NRXN1: variants seen among roughly 807,000 people sequenced by gnomAD.
NRXN1 encodes neurexin-1.
In NRXN1, 39 loss-of-function variants were observed where a neutral mutation model predicts 150.9. The observed-to-expected ratio is 0.26, with a 90% CI of 0.20 to 0.34. NRXN1 has a LOEUF of 0.34. NRXN1 is among the 10% of genes least tolerant of loss of function. NRXN1 has a pLI of 1.00. For missense variants in NRXN1, 1,815 were observed against 1,949.9 expected (o/e 0.93, Z 1.30); for synonymous variants, 924 against 757.0 (o/e 1.22, Z -3.62).
chr2:50,973,732 T>C (rs1444190324), intron 2 of NRXN1, among the ~76,000 whole-genome samples: 1 of 152,178 alleles, frequency 6.6e-6, no homozygotes, highest in Admixed American at 6.6e-5. Flanking sequence ...TATTCATTCC[T>C]AGTAGGTAGA....
At chr2:50,853,446 G>A (rs1674804549) in intron 5 of NRXN1, among the ~76,000 whole-genome samples, 1 of 152,184 alleles carries the variant, frequency 6.6e-6, no homozygotes, top group East Asian at 1.9e-4. Flanking sequence ...TTTAAGTTGT[G>A]CGTTTTACTT....
intron 10 of NRXN1, among the ~76,000 whole-genome samples, chr2:50,532,097 C>T (rs747478398): frequency 3.4e-4 from 51 of 152,092 alleles, no homozygotes; most frequent in Admixed American, 9.8e-4. Flanking sequence ...GTGACCCTCT[C>T]GCCCAGGTTC....
chr2:50,459,363 G>C (rs139041805), intron 17 of NRXN1, among the ~76,000 whole-genome samples: 5 of 152,114 alleles, frequency 3.3e-5, no homozygotes, highest in South Asian at 2.1e-4. Context: ...TTGTTACATA[G>C]GTAAACTTGT....
chr2:50,930,642 C>T (rs1238949871), intron 2 of NRXN1, among the ~76,000 whole-genome samples: 1 of 152,152 alleles, frequency 6.6e-6, no homozygotes, highest in Non-Finnish European at 1.5e-5. Context: ...TGAGAGTTAA[C>T]ATTTCAACAT....
At chr2:50,359,111 A>G (rs2079014134) in intron 17 of NRXN1, among the ~76,000 whole-genome samples, 1 of 152,228 alleles carries the variant, frequency 6.6e-6, no homozygotes, top group Non-Finnish European at 1.5e-5. Context: ...GTTTACCAAC[A>G]GCAAAGACCA....
intron 17 of NRXN1, among the ~76,000 whole-genome samples, chr2:50,252,182 CTT>C (rs200826084): frequency 0.62 from 77,619 of 125,998 alleles, 22,525 homozygotes; most frequent in African/African-American, 0.7. Context: ...ACATTTAAGT[CTT>C]TTTTTTTTTT....
chr2:50,991,932 A>G (rs918138), intron 2 of NRXN1, among the ~76,000 whole-genome samples: 33,816 of 151,924 alleles, frequency 0.22, 4,146 homozygotes, highest in Non-Finnish European at 0.29. Flanking sequence ...TTTTCTAAGC[A>G]TTTTATCTAT....
intron 20 of NRXN1, among the ~76,000 whole-genome samples, chr2:50,054,465 G>A (rs946898335): frequency 6.6e-6 from 1 of 152,136 alleles, no homozygotes; most frequent in Non-Finnish European, 1.5e-5. Context: ...AATCCTCTTA[G>A]AAGGTTGCAA....
At chr2:50,624,147 T>C (rs1444687719) in intron 5 of NRXN1, among the ~76,000 whole-genome samples, 3 of 152,162 alleles carry the variant, frequency 2.0e-5, no homozygotes, top group African/African-American at 7.2e-5. Flanking sequence ...CCAACCCAAA[T>C]GTCCAACAAT....
At chr2:50,103,639 C>T (rs1011839512) in intron 18 of NRXN1, among the ~76,000 whole-genome samples, 9 of 151,938 alleles carry the variant, frequency 5.9e-5, no homozygotes, top group African/African-American at 1.9e-4. Context: ...CAAAAACACG[C>T]GAAGTGCTCA....
intron 17 of NRXN1, among the ~76,000 whole-genome samples, chr2:50,363,986 AG>A (rs2079407254): frequency 6.6e-6 from 1 of 152,202 alleles, no homozygotes; most frequent in Non-Finnish European, 1.5e-5. Flanking sequence ...AAACTAACAC[AG>A]GAACAGAAAA....
chr2:50,322,163 T>A (rs977444031), intron 17 of NRXN1, among the ~76,000 whole-genome samples: 1 of 152,032 alleles, frequency 6.6e-6, no homozygotes, highest in African/African-American at 2.4e-5. Flanking sequence ...AAGGGCTAAC[T>A]AGAAGGTTAA....
chr2:50,478,934 C>T (rs1338490547), intron 15 of NRXN1, among the ~76,000 whole-genome samples: 3 of 152,250 alleles, frequency 2.0e-5, no homozygotes, highest in African/African-American at 4.8e-5. Context: ...CAGTTCTTAT[C>T]TATTTTTCTT....
At chr2:50,598,494 C>T (rs1002712572) in intron 8 of NRXN1, among the ~76,000 whole-genome samples, 3 of 150,454 alleles carry the variant, frequency 2.0e-5, no homozygotes, top group Non-Finnish European at 4.4e-5. Flanking sequence ...GTAAAATGCC[C>T]CAAAGCCATT....
chr2:51,006,939 C>T (rs937277238), intron 2 of NRXN1, among the ~76,000 whole-genome samples: 8 of 151,892 alleles, frequency 5.3e-5, no homozygotes, highest in African/African-American at 1.2e-4. Flanking sequence ...CACTCTGTAT[C>T]GTGGCTGACC....
At chr2:50,979,493 T>G (rs1696439479) in intron 2 of NRXN1, among the ~76,000 whole-genome samples, 1 of 152,136 alleles carries the variant, frequency 6.6e-6, no homozygotes, top group African/African-American at 2.4e-5. Context: ...TCCTTTTGAT[T>G]CCCTTATCAT....
chr2:50,030,871 A>G (rs141289892), intron 21 of NRXN1, among the ~76,000 whole-genome samples: 64 of 152,208 alleles, frequency 4.2e-4, no homozygotes, highest in African/African-American at 1.4e-3. Flanking sequence ...TACTCAGCAC[A>G]AAGTAAGTAT....
At chr2:49,950,954 G>A (rs901218820) in intron 21 of NRXN1, among the ~76,000 whole-genome samples, 2 of 151,876 alleles carry the variant, frequency 1.3e-5, no homozygotes, top group African/African-American at 4.8e-5. Flanking sequence ...GTCTGCTTGG[G>A]AAAAAGGCAG....
At chr2:50,932,009 C>G (rs1052559572) in intron 2 of NRXN1, among the ~76,000 whole-genome samples, 2 of 151,814 alleles carry the variant, frequency 1.3e-5, no homozygotes, top group Non-Finnish European at 2.9e-5. Flanking sequence ...TTACAGGCAC[C>G]CACCACCATG....
Sources: gnomAD v4.1 joint callset for allele counts (sites outside exome capture counted in the v4.1 genomes callset) on GRCh38, gnomAD v4.1.1 for gene constraint, MANE v1.5 for transcripts, NCBI Gene and HGNC (gene_info 2026-07-23, HGNC 2026-07-21) for gene names.